Variants in XXYLT1 observed in about 807,000 individuals in gnomAD.
XXYLT1 encodes the protein UDP-xylose:alpha-xyloside alpha-1,3-xylosyltransferase.
Under a neutral mutation model 28.9 loss-of-function variants are expected in XXYLT1, and 20 were observed. That is an observed-to-expected ratio of 0.69 (90% CI 0.49 to 1.00). XXYLT1 has a LOEUF of 1.00. Among genes scored for constraint, XXYLT1 ranks in the 50% least tolerant of loss-of-function variants. XXYLT1 has a pLI of 0.00. For synonymous variants in XXYLT1, 257 were observed against 253.8 expected, an observed-to-expected ratio of 1.01 and a Z score of -0.12; for missense variants, 542 against 560.1, an observed-to-expected ratio of 0.97 and a Z score of 0.33.
intron 2 of XXYLT1, among the ~76,000 whole-genome samples, chr3:195,216,648 G>C (rs1723588017): frequency 6.7e-6 from 1 of 150,204 alleles, no homozygotes; most frequent in African/African-American, 2.4e-5. Context: ...AATAACAGGA[G>C]CTGAAATTGT....
At chr3:195,102,008 G>T in intron 3 of XXYLT1, among the ~76,000 whole-genome samples, 1 of 109,430 alleles carries the variant, frequency 9.1e-6, no homozygotes, top group African/African-American at 3.7e-5. Context: ...CAGAAAGAAA[G>T]TAAAGAAACA....
At chr3:195,145,515 TG>T (rs1719795352) in intron 3 of XXYLT1, among the ~76,000 whole-genome samples, 1 of 147,098 alleles carries the variant, frequency 6.8e-6, no homozygotes, top group Non-Finnish European at 1.5e-5. Flanking sequence ...CCGGCACTGA[TG>T]GGGCCCTGCG....
At chr3:195,074,740 C>G (rs6806858) in intron 3 of XXYLT1, among the ~76,000 whole-genome samples, 3,697 of 152,314 alleles carry the variant, frequency 0.024, 136 homozygotes, top group African/African-American at 0.084. Context: ...GTGGGGCAGT[C>G]TCGAGCTCTT....
intron 3 of XXYLT1, among the ~76,000 whole-genome samples, chr3:195,101,546 A>G (rs916330898): frequency 6.6e-6 from 1 of 152,238 alleles, no homozygotes; most frequent in African/African-American, 2.4e-5. Context: ...TACATATTTC[A>G]GTGAGATTTG....
Position 195,184,506 on chromosome 3 carries a change from G to A in XXYLT1, c.653-27925C>T, listed in dbSNP as rs779597649. 157 of 595,560 alleles carry A rather than the reference G, an allele frequency of 2.6e-4. 1 individual carries two copies. Among genetic ancestry groups the A allele is most frequent in the Non-Finnish European group, 2.8e-4 (131 of 474,122 alleles). The allele number at this position is 595,560 out of a possible 1,614,324, so 36.9% of individuals were successfully genotyped here. On this transcript the variant is annotated intron_variant, in intron 2 of 3. Coordinates refer to ENST00000310380, the MANE Select transcript of XXYLT1 (RefSeq NM_152531.5). ...ATTAAAATCCCAACTCACCTTGTTG[G>A]CTGACACCATACCTCAGACTATCTT...
intron 3 of XXYLT1, among the ~76,000 whole-genome samples, chr3:195,110,317 G>T (rs115467729): frequency 9.0e-4 from 6 of 6,650 alleles, no homozygotes; most frequent in African/African-American, 1.4e-3. Context: ...TGTGTGTGTG[G>T]GTGAGGGTGA....
chr3:195,204,207 G>C (rs1722969348), intron 2 of XXYLT1, among the ~76,000 whole-genome samples: 1 of 152,040 alleles, frequency 6.6e-6, no homozygotes, highest in Non-Finnish European at 1.5e-5. Flanking sequence ...GCCGGACGTG[G>C]TGGCAGACGC....
At chr3:195,262,617 G>T (rs912284518) in intron 1 of XXYLT1, among the ~76,000 whole-genome samples, 1 of 152,136 alleles carries the variant, frequency 6.6e-6, no homozygotes, top group Admixed American at 6.5e-5. Flanking sequence ...GTGCATTGAG[G>T]CCCCCACAGA....
intron 2 of XXYLT1, among the ~76,000 whole-genome samples, chr3:195,205,353 G>A (rs59746085): frequency 0.02 from 3,038 of 152,248 alleles, 107 homozygotes; most frequent in African/African-American, 0.067. Flanking sequence ...TTACTGACAC[G>A]CAACAACTGG....
chr3:195,104,569 A>C (rs376816148), intron 3 of XXYLT1, among the ~76,000 whole-genome samples: 261 of 152,288 alleles, frequency 1.7e-3, no homozygotes, highest in African/African-American at 6.0e-3. Flanking sequence ...CCAGAGAGCA[A>C]GGCAGTGGGG....
intron 2 of XXYLT1, among the ~76,000 whole-genome samples, chr3:195,203,629 C>T (rs1185374307): frequency 6.6e-6 from 1 of 152,210 alleles, no homozygotes; most frequent in East Asian, 1.9e-4. Context: ...AAGTAAGGAG[C>T]AAATGGCCTG....
intron 1 of XXYLT1, among the ~76,000 whole-genome samples, chr3:195,249,117 G>A (rs972707973): frequency 1.3e-5 from 2 of 152,086 alleles, no homozygotes; most frequent in South Asian, 2.1e-4. Flanking sequence ...CACATCCATC[G>A]CCTCCTTTTG....
At chr3:195,184,923 G>A in intron 2 of XXYLT1, 1 of 726,942 alleles carries the variant, frequency 1.4e-6, no homozygotes, top group South Asian at 6.3e-5. Context: ...AGTTTCGTTT[G>A]ATCAAATGTT....
At chr3:195,120,770 C>T (rs1432030434) in intron 3 of XXYLT1, among the ~76,000 whole-genome samples, 2 of 152,174 alleles carry the variant, frequency 1.3e-5, no homozygotes, top group African/African-American at 2.4e-5. Flanking sequence ...TGCGGGGTCC[C>T]GGAGGGGAAG....
At position 195,068,485 on chromosome 3, in the gene XXYLT1, G is replaced by A. The variant is rs1576988533; in HGVS notation, c.*1230C>T. On this transcript the variant is annotated 3_prime_UTR_variant, in exon 4 of 4. Coordinates refer to ENST00000310380, the MANE Select transcript of XXYLT1 (RefSeq NM_152531.5). Reference sequence around the variant, plus strand: ...ACGGTCTAACGTGGTATGATAAGGGGATTTTTTAAACAAAGAAACTAGAAT... The same window carrying A: ...ACGGTCTAACGTGGTATGATAAGGGAATTTTTTAAACAAAGAAACTAGAAT... 6.6e-6 allele frequency: 1 copy of A among 152,154 alleles called. No individual in the cohort carries two copies. The highest frequency in any genetic ancestry group is 2.4e-5 in the African/African-American group (1 of 41,524). 9.4% of individuals were successfully genotyped at this position (152,154 alleles called of 1,614,324 possible). A position where few individuals can be genotyped will look rare whatever the true frequency, so the allele number is the denominator to read the frequency against.
chr3:195,238,141 C>G (rs763735836), intron 1 of XXYLT1, among the ~76,000 whole-genome samples: 5 of 152,196 alleles, frequency 3.3e-5, no homozygotes, highest in Admixed American at 1.3e-4. Context: ...GTTCTGGCCC[C>G]GTCCCCCGAC....
At chr3:195,218,849 T>C (rs936824262) in intron 2 of XXYLT1, among the ~76,000 whole-genome samples, 2 of 152,012 alleles carry the variant, frequency 1.3e-5, no homozygotes, top group Non-Finnish European at 2.9e-5. Context: ...CATGCTGCTA[T>C]AAAGACACAC....
At chr3:195,247,654 G>A (rs915568235) in intron 1 of XXYLT1, 4 of 575,972 alleles carry the variant, frequency 6.9e-6, no homozygotes, top group Non-Finnish European at 9.5e-6. Context: ...GCCCTGCCAG[G>A]CTCGAACCCT....
intron 3 of XXYLT1, among the ~76,000 whole-genome samples, chr3:195,112,595 A>G (rs1169358105): frequency 2.1e-5 from 3 of 141,988 alleles, no homozygotes; most frequent in East Asian, 3.9e-4. Flanking sequence ...ACACACACAC[A>G]CGCATGCACA....
Sources: allele counts gnomAD v4.1 joint callset (sites outside exome capture counted in the v4.1 genomes callset), GRCh38; gene constraint gnomAD v4.1.1; transcripts MANE v1.5; gene names NCBI Gene and HGNC (gene_info 2026-07-23, HGNC 2026-07-21).